The following PFKP variants were observed in gnomAD, a reference collection of about 807,000 sequenced individuals.
PFKP encodes ATP-dependent 6-phosphofructokinase, platelet type.
Under a neutral mutation model 94.3 loss-of-function variants are expected in PFKP, and 101 were observed. The ratio of observed to expected loss-of-function variants is 1.07; its 90% CI spans 0.91 to 1.26. PFKP has a LOEUF of 1.26. Among genes scored for constraint, PFKP ranks in the 50% most tolerant of loss-of-function variants. The pLI, the probability that PFKP is intolerant of heterozygous loss-of-function variation, is 0.00. For missense variants in PFKP, 1,145 were observed against 1,103.3 expected (o/e 1.04, Z -0.53); for synonymous variants, 573 against 432.6 (o/e 1.32, Z -4.03).
intron 15 of PFKP, 59 bp from the exon 16 acceptor site, chr10:3,119,833 C>A (rs1837218981): frequency 1.9e-6 from 3 of 1,558,044 alleles, no homozygotes; most frequent in Middle Eastern, 1.9e-4. Flanking sequence ...CCTCTCCCAG[C>A]GAGACCCTCT....
intron 18 of PFKP, 24 bp downstream of exon 18, chr10:3,132,465 G>C (rs781618466): frequency 1.0e-5 from 16 of 1,534,582 alleles, no homozygotes; most frequent in Non-Finnish European, 1.4e-5. Flanking sequence ...ACCAGGGGCT[G>C]ATCTTACCCT....
intron 19 of PFKP, among the ~76,000 whole-genome samples, chr10:3,133,726 C>T (rs1369007844): frequency 6.6e-6 from 1 of 152,180 alleles, no homozygotes; most frequent in Non-Finnish European, 1.5e-5. Flanking sequence ...CCACTGTGCC[C>T]AGCCAAAACA....
intron 2 of PFKP, among the ~76,000 whole-genome samples, chr10:3,095,921 T>C (rs1318036466): frequency 6.6e-6 from 1 of 151,518 alleles, no homozygotes; most frequent in African/African-American, 2.4e-5. Context: ...ACAGGGAGCA[T>C]TGGAGGTGGC....
At chr10:3,121,459 T>A (rs1171696936) in intron 16 of PFKP, among the ~76,000 whole-genome samples, 1 of 152,218 alleles carries the variant, frequency 6.6e-6, no homozygotes, top group Non-Finnish European at 1.5e-5. Flanking sequence ...CTGAAGCTTC[T>A]TTTTTCCCTA....
chr10:3,091,181 T>C (rs891758061), intron 2 of PFKP, among the ~76,000 whole-genome samples: 4 of 152,202 alleles, frequency 2.6e-5, no homozygotes, highest in Non-Finnish European at 4.4e-5. Flanking sequence ...CCCATTCCTT[T>C]CTACCTGGTG....
intron 2 of PFKP, among the ~76,000 whole-genome samples, chr10:3,088,103 G>C (rs932368805): frequency 2.1e-5 from 3 of 143,400 alleles, no homozygotes; most frequent in Non-Finnish European, 3.0e-5. Context: ...CCATTAACTC[G>C]TCATTTACAT....
intron 16 of PFKP, among the ~76,000 whole-genome samples, chr10:3,122,002 C>T (rs7913100): frequency 0.84 from 127,048 of 151,414 alleles, 53,356 homozygotes; most frequent in East Asian, 0.88. Context: ...TTTGTATTTC[C>T]ATAGAGACGG....
intron 2 of PFKP, among the ~76,000 whole-genome samples, chr10:3,095,962 A>G (rs1834445535): frequency 1.3e-5 from 2 of 152,208 alleles, no homozygotes; most frequent in South Asian, 2.1e-4. Context: ...CTATTTTTTA[A>G]TGGCTTTCTT....
At position 3,067,659 on chromosome 10, in the gene PFKP, G is replaced by A; in HGVS notation, c.64G>A (p.Gly22Arg). Residue 22 changes from glycine (G) to arginine (R), a missense_variant, in exon 1 of 22, where the codon GGG becomes AGG. Transcript: ENST00000381125. The stretch of plus-strand genomic sequence containing the variant: ...GCGGAAGTTCCTGGAGCACCTCTCC[G>A]GGGCCGGCAAGGCCATCGGCGTGCT... ...SLRKFLEHLS[G>R]AGKAIGVLTS... The A allele has an allele frequency of 6.5e-7, 1 of 1,534,104 alleles. No individual in the cohort carries two copies. The highest frequency in any genetic ancestry group is 2.0e-5 in the Admixed American group (1 of 50,246).
chr10:3,081,579 C>T (rs11818475), intron 1 of PFKP, among the ~76,000 whole-genome samples: 3 of 152,210 alleles, frequency 2.0e-5, no homozygotes, highest in Non-Finnish European at 4.4e-5. Flanking sequence ...ACTCCTCTCC[C>T]GATGGGCCTG....
chr10:3,086,565 A>G (rs895789717), intron 2 of PFKP, among the ~76,000 whole-genome samples: 1 of 152,198 alleles, frequency 6.6e-6, no homozygotes, highest in Non-Finnish European at 1.5e-5. Context: ...GCTACCGCAC[A>G]TCCTACGATG....
In PFKP at chr10:3,109,451, C is replaced by T. The variant is rs113692635; in HGVS notation, c.1060C>T (p.Arg354Cys). 1.6e-5 allele frequency: 25 copies of T among 1,606,424 alleles called. No individual in the cohort carries two copies. Among genetic ancestry groups the T allele is most frequent in the Admixed American group, 6.7e-5 (4 of 59,948 alleles). Residue 354 changes from arginine (R) to cysteine (C), a missense_variant, in exon 10 of 22, where the codon CGC (arginine) becomes TGC (cysteine). This residue lies in a region of PFKP where 1,119 missense variants were observed against 1,062.8 expected (regional missense o/e 1.05). Coordinates refer to ENST00000381125, the MANE Select transcript of PFKP (RefSeq NM_002627.5). Reference sequence around the variant, plus strand: ...GTCACTGAACGGGAACCACGCCGTGCGCCTGCCGCTGATGGAGTGCGTGCA... The same window carrying T: ...GTCACTGAACGGGAACCACGCCGTGTGCCTGCCGCTGATGGAGTGCGTGCA... ...VVSLNGNHAV[R>C]LPLMECVQMT...
In PFKP at chr10:3,101,451, C is replaced by A. The variant is rs4881080; in HGVS notation, c.351C>A (p.Arg117=). Residue 117 remains arginine (R), a synonymous_variant, in exon 4 of 22, where the codon CGC becomes CGA. Transcript: ENST00000381125. The part of the protein sequence containing the change: ...RLKAACNLLQ[R]GITNLCVIGG... Reference sequence around the variant, plus strand: ...AGGCTGCTTGCAACCTGCTGCAGCGCGGCATCACCAACCTGTGTGTGATCG... The same window carrying A: ...AGGCTGCTTGCAACCTGCTGCAGCGAGGCATCACCAACCTGTGTGTGATCG... The A allele has an allele frequency of 3.4e-5, 54 of 1,609,898 alleles. No individual in the cohort carries two copies. The African/African-American group carries it at 6.8e-4, about 20-fold the overall frequency.
chr10:3,128,175 G>A (rs1838161529), intron 16 of PFKP, among the ~76,000 whole-genome samples: 1 of 152,174 alleles, frequency 6.6e-6, no homozygotes, highest in Non-Finnish European at 1.5e-5. Flanking sequence ...CTGCTGTGGG[G>A]GCTCGGCCGG....
chr10:3,102,018 G>A (rs1052420079), intron 4 of PFKP, among the ~76,000 whole-genome samples: 13 of 150,616 alleles, frequency 8.6e-5, no homozygotes, highest in Non-Finnish European at 1.5e-4. Flanking sequence ...TTGGGAGGCC[G>A]AGGCGGGCGG....
chr10:3,101,906 A>G (rs1022887001), intron 4 of PFKP, among the ~76,000 whole-genome samples: 3 of 152,190 alleles, frequency 2.0e-5, no homozygotes, highest in Non-Finnish European at 4.4e-5. Flanking sequence ...GGACACTAGC[A>G]TCCGCCTTTC....
chr10:3,073,298 C>T (rs561539530), intron 1 of PFKP, among the ~76,000 whole-genome samples: 2 of 152,080 alleles, frequency 1.3e-5, no homozygotes, highest in South Asian at 2.1e-4. Context: ...GTCTTCCCTC[C>T]CCTCTTCCCT....
intron 4 of PFKP, among the ~76,000 whole-genome samples, chr10:3,102,059 G>A (rs371269975): frequency 0.046 from 6,965 of 151,442 alleles, 253 homozygotes; most frequent in Non-Finnish European, 0.068. Flanking sequence ...AGACCATCCC[G>A]GCTAAAACGG....
intron 2 of PFKP, among the ~76,000 whole-genome samples, chr10:3,086,511 T>C (rs914589866): frequency 1.3e-5 from 2 of 152,202 alleles, no homozygotes; most frequent in African/African-American, 2.4e-5. Context: ...TGTGCCATTA[T>C]TGAAAGGATT....
Sources: gnomAD v4.1 joint callset for allele counts (sites outside exome capture counted in the v4.1 genomes callset) on GRCh38, gnomAD v4.1.1 for gene constraint, gnomAD v4.1.1 regional missense constraint, MANE v1.5 for transcripts, NCBI Gene and HGNC (gene_info 2026-07-23, HGNC 2026-07-21) for gene names.